EBF3: variants seen among roughly 807,000 people sequenced by gnomAD.
EBF3 encodes transcription factor COE3.
Under a neutral mutation model 77.1 loss-of-function variants are expected in EBF3, and 18 were observed. That is an observed-to-expected ratio of 0.23 (90% confidence interval 0.16 to 0.35). The LOEUF (loss-of-function observed/expected upper bound fraction) is 0.35, where lower values mean the gene tolerates loss of function less well. Among genes scored for constraint, EBF3 ranks in the 10% least tolerant of loss-of-function variants. EBF3 has a pLI of 1.00. For synonymous variants in EBF3, 350 were observed against 343.5 expected, an observed-to-expected ratio of 1.02 and a Z score of -0.21; for missense variants, 558 against 860.0, an observed-to-expected ratio of 0.65 and a Z score of 4.39.
At chr10:129,913,306 C>T (rs1855650530) in intron 6 of EBF3, among the ~76,000 whole-genome samples, 1 of 152,276 alleles carries the variant, frequency 6.6e-6, no homozygotes. Flanking sequence ...ACATTTTCTC[C>T]TGGTGGCCCC....
intron 6 of EBF3, among the ~76,000 whole-genome samples, chr10:129,925,514 C>T (rs1027518718): frequency 6.6e-6 from 1 of 151,088 alleles, no homozygotes; most frequent in Non-Finnish European, 1.5e-5. Flanking sequence ...ATCACTTGGA[C>T]CCGGGAGGCA....
At chr10:129,942,365 C>G (rs1434843356) in intron 6 of EBF3, among the ~76,000 whole-genome samples, 1 of 152,096 alleles carries the variant, frequency 6.6e-6, no homozygotes, top group Non-Finnish European at 1.5e-5. Context: ...ATCACAAAAA[C>G]AAGAAGGGTG....
chr10:129,906,601 C>A (rs935752726), intron 6 of EBF3, among the ~76,000 whole-genome samples: 2 of 152,090 alleles, frequency 1.3e-5, no homozygotes, highest in Admixed American at 1.3e-4. Context: ...TCTGAAGTGG[C>A]CTTAACAATA....
At chr10:129,876,152 G>A (rs1852757883) in intron 7 of EBF3, among the ~76,000 whole-genome samples, 1 of 152,234 alleles carries the variant, frequency 6.6e-6, no homozygotes, top group African/African-American at 2.4e-5. Context: ...CACCTGGGCT[G>A]TAGCACCTAC....
chr10:129,839,990 C>T (rs751156354), intron 15 of EBF3, among the ~76,000 whole-genome samples: 17 of 152,258 alleles, frequency 1.1e-4, no homozygotes, highest in Non-Finnish European at 2.4e-4. Context: ...GGTGCTCCAC[C>T]GTAAGTACAC....
At chr10:129,930,331 A>G (rs1374102006) in intron 6 of EBF3, among the ~76,000 whole-genome samples, 1 of 151,948 alleles carries the variant, frequency 6.6e-6, no homozygotes, top group Admixed American at 6.5e-5. Context: ...ATATATCTAT[A>G]TCTATATCTG....
chr10:129,877,050 C>T (rs1852834669), intron 7 of EBF3, among the ~76,000 whole-genome samples: 2 of 152,002 alleles, frequency 1.3e-5, no homozygotes, highest in Non-Finnish European at 2.9e-5. Context: ...GAAGCCGAGG[C>T]CAGGAAGAGA....
chr10:129,899,432 C>T lies in EBF3; in HGVS notation c.555-21583G>A, dbSNP rs578087546. Among the ~76,000 whole-genome samples the T allele has an allele frequency of 2.0e-4, 30 of 152,204 alleles. 1 individual carries two copies. The highest frequency in any genetic ancestry group is 1.3e-4 in the Non-Finnish European group (9 of 68,046). ...CCTCACCATGGACTGTGCCGGAGGA[C>T]GGTGAGGCAGAGGCCGGCGCCCTGG... On this transcript the variant is annotated intron_variant, in intron 6 of 16. Transcript: ENST00000440978.
In EBF3 at chr10:129,917,111, G is replaced by A. The variant is rs550636267; in HGVS notation, c.555-39262C>T. On this transcript the variant is annotated intron_variant, in intron 6 of 16. Coordinates refer to ENST00000440978, the MANE Select transcript of EBF3 (RefSeq NM_001375380.1). ...AGGCCAGGTGCAGCAGTTCACGCCTGTAATTCCAGCACTTGGGAGGCCGAG... is the reference window on the plus strand; with the variant it reads ...AGGCCAGGTGCAGCAGTTCACGCCTATAATTCCAGCACTTGGGAGGCCGAG... Among the ~76,000 whole-genome samples the A allele has an allele frequency of 2.7e-5, 4 of 149,792 alleles. No individual in the cohort carries two copies. In the South Asian group the frequency reaches 6.3e-4, roughly 24 times the overall value.
chr10:129,933,068 G>A (rs915215223), intron 6 of EBF3, among the ~76,000 whole-genome samples: 2 of 152,016 alleles, frequency 1.3e-5, no homozygotes, highest in African/African-American at 2.4e-5. Context: ...AAGTGCGGGC[G>A]GCAGTGACAG....
chr10:129,843,318 T>C, intron 11 of EBF3, 116 bp from the exon 12 acceptor site: 1 of 1,091,688 alleles, frequency 9.2e-7, no homozygotes, highest in East Asian at 2.6e-5. Context: ...CAGCGACCCG[T>C]CCTGGCCCTG....
chr10:129,864,393 C>T lies in EBF3; in HGVS notation c.1039+2748G>A, dbSNP rs1851852141. Among the ~76,000 whole-genome samples, 1 of 152,214 alleles carries T rather than the reference C, an allele frequency of 6.6e-6. No individual in the cohort carries two copies. Among genetic ancestry groups the T allele is most frequent in the Non-Finnish European group, 1.5e-5 (1 of 68,040 alleles). On this transcript the variant is annotated intron_variant, in intron 10 of 16. Coordinates refer to ENST00000440978, the MANE Select transcript of EBF3 (RefSeq NM_001375380.1). The surrounding 1 kb of genome is among the most constrained non-coding windows in gnomAD (Gnocchi z 4.4). Reference sequence around the variant, plus strand: ...CGCAACTGTCTCCAAATGCACAGCCCAAGGCCTTTCTCTGCAGCACTGGGG... The same window carrying T: ...CGCAACTGTCTCCAAATGCACAGCCTAAGGCCTTTCTCTGCAGCACTGGGG...
Position 129,963,584 on chromosome 10 carries a change from CGGGCCGGGCCG to C in EBF3, c.134+40_134+50del. On this transcript the variant is annotated intron_variant, in intron 1 of 16. Coordinates refer to ENST00000440978, the MANE Select transcript of EBF3 (RefSeq NM_001375380.1). This position sits in a 1 kb window ranked among gnomAD's most constrained non-coding sequence, Gnocchi z 7.1. ...CGCGGCGCCGGCCGGCGGAGGGGGC[CGGGCCGGGCCG>C]GGGCCGGGGCCAGGGCGCGCGGGGG... The C allele has an allele frequency of 8.1e-7, 1 of 1,235,658 alleles. No individual in the cohort carries two copies. The highest frequency in any genetic ancestry group is 2.3e-5 in the South Asian group (1 of 44,158). The allele number at this position is 1,235,658 out of a possible 1,614,324, so 76.5% of individuals were successfully genotyped here.
Position 129,886,046 on chromosome 10 carries a change from T to C in EBF3, c.555-8197A>G, listed in dbSNP as rs965194665. On this transcript the variant is annotated intron_variant, in intron 6 of 16. Coordinates refer to ENST00000440978, the MANE Select transcript of EBF3 (RefSeq NM_001375380.1). ...TTTTTGGTTTTAATTTTTTTTTTTT[T>C]TTTTTTTTTTTTTTTGCTTCCCATC... Among the ~76,000 whole-genome samples the C allele has an allele frequency of 2.0e-3, 20 of 9,990 alleles. No homozygotes were observed. In the African/African-American group the frequency reaches 0.024, roughly 12 times the overall value. The allele number at this position is 9,990 out of a possible 152,430, so 6.6% of individuals were successfully genotyped here. A position where few individuals can be genotyped will look rare whatever the true frequency, so the allele number is the denominator to read the frequency against.
chr10:129,963,388 C>T lies in EBF3; in HGVS notation c.270G>A (p.Val90=). The T allele has an allele frequency of 1.3e-6, 2 of 1,588,930 alleles. No homozygotes were observed. The highest frequency in any genetic ancestry group is 1.7e-5 in the Admixed American group (1 of 57,468). ...TTACTTTCTCTTTCTCCACAAAGTCCACAAAAGCGGTCCTTTCAATCTCCA... is the reference window on the plus strand; with the variant it reads ...TTACTTTCTCTTTCTCCACAAAGTCTACAAAAGCGGTCCTTTCAATCTCCA... The part of the protein sequence containing the change: ...QPVEIERTAF[V]DFVEKEKEPN... Residue 90 remains valine, a synonymous_variant, in exon 2 of 17, where the codon GTG becomes GTA. Transcript: ENST00000440978. The surrounding 1 kb of genome is among the most constrained non-coding windows in gnomAD (Gnocchi z 7.1).
rs1028868608 is a variant in EBF3 at position 129,897,968 on chromosome 10, A to G, written c.555-20119T>C. Among the ~76,000 whole-genome samples the G allele has an allele frequency of 1.3e-5, 2 of 152,244 alleles. No homozygotes were observed. The highest frequency in any genetic ancestry group is 2.9e-5 in the Non-Finnish European group (2 of 68,046). ...ATGCCTAAAGCTGGGGCTGCTCAAC[A>G]GAAGAGAGCCCGAGCTGACCCGTTG... On this transcript the variant is annotated intron_variant, in intron 6 of 16. Transcript: ENST00000440978. The surrounding 1 kb of genome is among the most constrained non-coding windows in gnomAD (Gnocchi z 4.6).
At chr10:129,878,823 C>CAAAAAAAAAAA (rs10654202) in intron 6 of EBF3, among the ~76,000 whole-genome samples, 1 of 58,772 alleles carries the variant, frequency 1.7e-5, no homozygotes, top group Non-Finnish European at 3.1e-5. Flanking sequence ...AAATCGGTCT[C>CAAAAAAAAAAA]AAAAAAAAAA....
At chr10:129,926,362 C>T (rs1293823550) in intron 6 of EBF3, among the ~76,000 whole-genome samples, 2 of 152,264 alleles carry the variant, frequency 1.3e-5, no homozygotes, top group Middle Eastern at 3.4e-3. Flanking sequence ...GTGATGCACA[C>T]GGCCTGGCTG....
intron 6 of EBF3, among the ~76,000 whole-genome samples, chr10:129,930,467 C>G (rs773325004): frequency 2.0e-5 from 3 of 149,724 alleles, no homozygotes; most frequent in Non-Finnish European, 4.4e-5. Context: ...CTATGTCTAT[C>G]TCTATATTAA....
Sources: gnomAD v4.1 joint callset for allele counts (sites outside exome capture counted in the v4.1 genomes callset) on GRCh38, gnomAD v4.1.1 for gene constraint, Gnocchi (gnomAD v3.1) non-coding constraint, MANE v1.5 for transcripts, NCBI Gene and HGNC (gene_info 2026-07-23, HGNC 2026-07-21) for gene names.